ITPR1: variants seen among roughly 807,000 people sequenced by gnomAD.
The protein encoded by ITPR1 is inositol 1,4,5-trisphosphate receptor type 1, also known as inositol 1,4,5-trisphosphate-gated calcium channel ITPR1.
ITPR1 carries 96 observed loss-of-function variants against 318.4 expected under a neutral mutation model. That is an observed-to-expected ratio of 0.30 (90% confidence interval 0.26 to 0.36). The LOEUF (loss-of-function observed/expected upper bound fraction) is 0.36, where lower values mean the gene tolerates loss of function less well. Among genes scored for constraint, ITPR1 ranks in the 10% least tolerant of loss-of-function variants. ITPR1 has a pLI of 1.00. For synonymous variants in ITPR1, 1,312 were observed against 1,289.9 expected, an observed-to-expected ratio of 1.02 and a Z score of -0.37; for missense variants, 2,440 against 3,460.2, an observed-to-expected ratio of 0.71 and a Z score of 7.40.
chr3:4,643,858 G>GTT (rs755844856), intron 7 of ITPR1, among the ~76,000 whole-genome samples: 11 of 144,046 alleles, frequency 7.6e-5, no homozygotes, highest in Admixed American at 2.1e-4. Flanking sequence ...AAACTGAACA[G>GTT]TTTTTTTTTT....
chr3:4,583,288 C>T (rs577259033), intron 4 of ITPR1, among the ~76,000 whole-genome samples: 1 of 152,076 alleles, frequency 6.6e-6, no homozygotes, highest in African/African-American at 2.4e-5. Flanking sequence ...ACTTCATGCT[C>T]TAAAACTCTA....
intron 4 of ITPR1, among the ~76,000 whole-genome samples, chr3:4,622,214 A>C (rs1468541186): frequency 6.7e-6 from 1 of 148,522 alleles, no homozygotes; most frequent in African/African-American, 2.5e-5. Flanking sequence ...TCCTGGGTTC[A>C]AACGATTCTC....
intron 20 of ITPR1, among the ~76,000 whole-genome samples, chr3:4,672,764 G>A (rs2094113416): frequency 6.6e-6 from 1 of 152,148 alleles, no homozygotes; most frequent in South Asian, 2.1e-4. Context: ...GGTCTTTACT[G>A]TATAAAACAC....
At chr3:4,786,809 G>A (rs2047226974) in intron 51 of ITPR1, among the ~76,000 whole-genome samples, 1 of 152,218 alleles carries the variant, frequency 6.6e-6, no homozygotes, top group Non-Finnish European at 1.5e-5. Context: ...CTGCCCCAGA[G>A]TTAAATAGGC....
Position 4,806,187 on chromosome 3 carries a change from G to A in ITPR1, c.7192G>A (p.Val2398Ile), listed in dbSNP as rs1402568528. 3 of 1,613,938 alleles carry A rather than the reference G, an allele frequency of 1.9e-6. No homozygotes were observed. Among genetic ancestry groups the A allele is most frequent in the Non-Finnish European group, 2.5e-6 (3 of 1,179,778 alleles). The change falls in exon 55 of 62, where the codon GTT becomes ATT. Residue 2398 changes from valine (V) to isoleucine (I), a missense_variant. Physicochemically the swap from Val to Ile is conservative, Grantham distance 29. Coordinates refer to ENST00000649015, the MANE Select transcript of ITPR1 (RefSeq NM_001378452.1). ...TRGYRAMVLD[V>I]EFLYHLLYLV... Reference sequence around the variant, plus strand: ...AGGCTACCGAGCCATGGTTCTGGATGTTGAGTTCCTCTATCATTTGTTGTA... The same window carrying A: ...AGGCTACCGAGCCATGGTTCTGGATATTGAGTTCCTCTATCATTTGTTGTA...
intron 50 of ITPR1, 67 bp downstream of exon 50, chr3:4,782,808 G>A (rs1368342082): frequency 8.7e-6 from 12 of 1,380,286 alleles, no homozygotes; most frequent in Middle Eastern, 2.5e-4. Flanking sequence ...GAGCTGGAGG[G>A]TGCCCCCAGT....
chr3:4,841,649 G>C (rs1311602425), intron 61 of ITPR1, among the ~76,000 whole-genome samples: 3 of 152,186 alleles, frequency 2.0e-5, no homozygotes, highest in Admixed American at 6.5e-5. Flanking sequence ...ACATTGCTCT[G>C]GGAATGGAGA....
At chr3:4,678,548 G>A (rs970166560) in intron 24 of ITPR1, among the ~76,000 whole-genome samples, 1 of 152,192 alleles carries the variant, frequency 6.6e-6, no homozygotes, top group Admixed American at 6.5e-5. Flanking sequence ...TCGAACAGGG[G>A]CTCCATCCAC....
At chr3:4,701,534 G>C (rs1019383298) in intron 35 of ITPR1, among the ~76,000 whole-genome samples, 1 of 152,174 alleles carries the variant, frequency 6.6e-6, no homozygotes, top group South Asian at 2.1e-4. Flanking sequence ...GGTGGCTGCA[G>C]GCAATAGGAC....
At chr3:4,608,909 G>A (rs148794539) in intron 4 of ITPR1, among the ~76,000 whole-genome samples, 1,716 of 149,660 alleles carry the variant, frequency 0.011, 34 homozygotes, top group African/African-American at 0.039. Context: ...GGCTGAGGCA[G>A]GAGAATTGCT....
At position 4,779,652 on chromosome 3, in the gene ITPR1, CG is replaced by C; in HGVS notation, c.6387+10del. 1.9e-6 allele frequency: 3 copies of C among 1,588,944 alleles called. No individual in the cohort carries two copies. Among genetic ancestry groups the C allele is most frequent in the Non-Finnish European group, 2.6e-6 (3 of 1,158,296 alleles). On this transcript the variant is annotated splice_region_variant and intron_variant, in intron 49 of 61. Transcript: ENST00000649015. This position sits in a 1 kb window ranked among gnomAD's most constrained non-coding sequence, Gnocchi z 4.0. ...CATGAGGCCCAAGGAACTGGTGAGT[CG>C]GGTGACGGATCTGATGGTAGCACCA...
At position 4,683,512 on chromosome 3, in the gene ITPR1, C is replaced by G; in HGVS notation, c.3288C>G (p.His1096Gln). 1.2e-6 allele frequency: 2 copies of G among 1,614,072 alleles called. No individual in the cohort carries two copies. Among genetic ancestry groups the G allele is most frequent in the Non-Finnish European group, 1.7e-6 (2 of 1,179,892 alleles). The change falls in exon 27 of 62, where the codon CAC (histidine) becomes CAG (glutamine). Residue 1096 changes from histidine to glutamine, a missense_variant. This residue lies in a region of ITPR1 where 76 missense variants were observed against 132.2 expected (regional missense o/e 0.58). Coordinates refer to ENST00000649015, the MANE Select transcript of ITPR1 (RefSeq NM_001378452.1). Reference sequence around the variant, plus strand: ...GGGCCCTGCAGCTCCTCTTCCGGCACTTCAGCCAGAGGCAGGAGGTGCTCC... The same window carrying G: ...GGGCCCTGCAGCTCCTCTTCCGGCAGTTCAGCCAGAGGCAGGAGGTGCTCC... Reference protein sequence around the residue: ...VSGALQLLFRHFSQRQEVLQA... With the variant: ...VSGALQLLFRQFSQRQEVLQA...
intron 4 of ITPR1, among the ~76,000 whole-genome samples, chr3:4,523,211 C>A (rs2124932074): frequency 6.6e-6 from 1 of 152,210 alleles, no homozygotes; most frequent in South Asian, 2.1e-4. Context: ...TATATACGGG[C>A]CTTGGGAGCT....
chr3:4,527,179 C>G (rs1329833910), intron 4 of ITPR1, among the ~76,000 whole-genome samples: 1 of 152,116 alleles, frequency 6.6e-6, no homozygotes, highest in Non-Finnish European at 1.5e-5. Context: ...TGCTTTTCTT[C>G]CTTTGTAGTT....
chr3:4,681,764 G>A (rs528275685), intron 26 of ITPR1, among the ~76,000 whole-genome samples: 1 of 152,152 alleles, frequency 6.6e-6, no homozygotes, highest in African/African-American at 2.4e-5. Context: ...TAGAAAGAGA[G>A]AGGGGCTCAA....
At chr3:4,667,808 G>A (rs976096282) in intron 18 of ITPR1, among the ~76,000 whole-genome samples, 4 of 152,140 alleles carry the variant, frequency 2.6e-5, no homozygotes, top group Admixed American at 2.6e-4. Flanking sequence ...TGCTAAATGG[G>A]TAGTTATGAA....
rs1361753281 is a variant in ITPR1, at chr3:4,536,179, G to T, written c.163+15085G>T. ...CAACTGGAGTTCAGTCGTTTGCCAG[G>T]TTTATCACTGATTGGAAACATTGCT... On this transcript the variant is annotated intron_variant, in intron 4 of 61. Coordinates refer to ENST00000649015, the MANE Select transcript of ITPR1 (RefSeq NM_001378452.1). Among the ~76,000 whole-genome samples the T allele has an allele frequency of 3.3e-5, 5 of 152,126 alleles. No individual in the cohort carries two copies. The East Asian group carries it at 7.7e-4, about 23-fold the overall frequency.
At chr3:4,523,193 T>C (rs1292206041) in intron 4 of ITPR1, among the ~76,000 whole-genome samples, 2 of 152,174 alleles carry the variant, frequency 1.3e-5, no homozygotes, top group Non-Finnish European at 2.9e-5. Context: ...TGAGCTCTTA[T>C]CTTGTTCTAT....
chr3:4,829,838 C>T (rs868093712), intron 60 of ITPR1, among the ~76,000 whole-genome samples: 35 of 151,128 alleles, frequency 2.3e-4, no homozygotes, highest in African/African-American at 7.7e-4. Context: ...ATCCTCTGCA[C>T]ACCTCCTATT....
Sources: gnomAD v4.1 joint callset for allele counts (sites outside exome capture counted in the v4.1 genomes callset) on GRCh38, gnomAD v4.1.1 for gene constraint, gnomAD v4.1.1 regional missense constraint, Gnocchi (gnomAD v3.1) non-coding constraint, MANE v1.5 for transcripts, NCBI Gene and HGNC (gene_info 2026-07-23, HGNC 2026-07-21) for gene names.